ADAMTS10: variants seen among roughly 807,000 people sequenced by gnomAD.
ADAMTS10 encodes A disintegrin and metalloproteinase with thrombospondin motifs 10.
A neutral mutation model predicts 135.9 loss-of-function variants in ADAMTS10; 48 were observed. The observed-to-expected ratio is 0.35, with a 90% CI of 0.28 to 0.45. The LOEUF is 0.45. ADAMTS10 is among the 20% of genes least tolerant of loss of function. The probability of loss-of-function intolerance (pLI) is 1.00; values close to 1 mark genes in which losing one functional copy is unlikely to be tolerated. For missense variants in ADAMTS10, 1,131 were observed against 1,565.2 expected, an observed-to-expected ratio of 0.72 and a Z score of 4.68; for synonymous variants, 621 against 647.5, an observed-to-expected ratio of 0.96 and a Z score of 0.62.
At position 8,605,230 on chromosome 19, in the gene ADAMTS10, C is replaced by T. The variant is rs61750006; in HGVS notation, c.217G>A (p.Glu73Lys). 10,119 of 1,613,566 alleles carry T rather than the reference C, an allele frequency of 6.3e-3. 32 individuals are homozygous for T. The highest frequency in any genetic ancestry group is 7.9e-3 in the Non-Finnish European group (9,341 of 1,179,766). ...RQRRGTGATA[E>K]SRLFYKVASP... is the part of the protein sequence containing the mutation. The stretch of plus-strand genomic sequence containing the variant: ...GCCACTTTGTAGAAGAGGCGGGACT[C>T]GGCTGTGGCCCCCGTGCCGCGGCGC... Residue 73 changes from glutamate (E) to lysine (K), a missense_variant, in exon 4 of 26, where the codon GAG (glutamate) becomes AAG (lysine). Transcript: ENST00000597188. The surrounding 1 kb of genome is among the most constrained non-coding windows in gnomAD (Gnocchi z 7.7).
At chr19:8,591,696 T>G (rs1273042442) in intron 15 of ADAMTS10, 104 bp downstream of exon 15, 2 of 1,397,882 alleles carry the variant, frequency 1.4e-6, no homozygotes, top group African/African-American at 2.8e-5. Context: ...TGCCTTGGCC[T>G]CCCAAAGTGT....
In ADAMTS10 at chr19:8,605,089, G is replaced by T; in HGVS notation, c.358C>A (p.Pro120Thr). ...EGLAWQRAAR[P>T]HCLYAGHLQG... is the part of the protein sequence containing the mutation. ...AGGTGACCAGCGTAGAGGCAGTGGG[G>T]CCGGGCCGCCCTCTGCCAGGCCAGG... Residue 120 changes from proline (P) to threonine (T), a missense_variant, in exon 4 of 26, where the codon CCC (proline) becomes ACC (threonine). Physicochemically the swap from Pro to Thr is conservative, Grantham distance 38. Coordinates refer to ENST00000597188, the MANE Select transcript of ADAMTS10 (RefSeq NM_030957.4). This position sits in a 1 kb window ranked among gnomAD's most constrained non-coding sequence, Gnocchi z 7.7. The T allele has an allele frequency of 2.5e-6, 4 of 1,612,748 alleles. No homozygotes were observed. The highest frequency in any genetic ancestry group is 3.4e-6 in the Non-Finnish European group (4 of 1,179,660).
At position 8,586,401 on chromosome 19, in the gene ADAMTS10, G is replaced by T. The variant is rs782146436; in HGVS notation, c.2473C>A (p.Pro825Thr). ...GGCGCATAGTGCCAGGAGTAGGGGG[G>T]CAGCGAGTCACGGGCGATGGGGGCA... Reference protein sequence around the residue: ...FNAPIARDSLPPYSWHYAPWT... With the variant: ...FNAPIARDSLTPYSWHYAPWT... Residue 825 changes from proline (P) to threonine (T), a missense_variant, in exon 21 of 26, where the codon CCC becomes ACC. Transcript: ENST00000597188. The T allele has an allele frequency of 2.5e-6, 4 of 1,613,938 alleles. No homozygotes were observed. Among genetic ancestry groups the T allele is most frequent in the Non-Finnish European group, 1.7e-6 (2 of 1,180,000 alleles).
intron 25 of ADAMTS10, among the ~76,000 whole-genome samples, chr19:8,581,788 T>C (rs1185055013): frequency 2.0e-5 from 3 of 151,280 alleles, no homozygotes; most frequent in Non-Finnish European, 2.9e-5. Context: ...TGAGCCGCGA[T>C]TGCACCACTG....
intron 12 of ADAMTS10, among the ~76,000 whole-genome samples, chr19:8,594,806 A>G (rs1445147975): frequency 2.0e-5 from 3 of 152,238 alleles, no homozygotes; most frequent in African/African-American, 7.2e-5. Context: ...TACCTGGGTC[A>G]CAGCAGATGT....
Position 8,596,001 on chromosome 19 carries a change from C to A in ADAMTS10, c.1337+72G>T. ...GGGTCCCAGGGAGCATCCCTGATTTCTATCGTCTCCCGTGTACCCTGCCCC... is the reference window on the plus strand; with the variant it reads ...GGGTCCCAGGGAGCATCCCTGATTTATATCGTCTCCCGTGTACCCTGCCCC... On this transcript the variant is annotated intron_variant, in intron 11 of 25. Transcript: ENST00000597188. The surrounding 1 kb of genome is among the most constrained non-coding windows in gnomAD (Gnocchi z 7.2). 6.2e-7 allele frequency: 1 copy of A among 1,613,904 alleles called. No homozygotes were observed. The highest frequency in any genetic ancestry group is 1.7e-5 in the Admixed American group (1 of 60,026).
At chr19:8,581,121 T>G in intron 25 of ADAMTS10, 119 bp from the exon 26 acceptor site, 1 of 481,962 alleles carries the variant, frequency 2.1e-6, no homozygotes, top group East Asian at 3.8e-5. Flanking sequence ...TTCTTTCTTT[T>G]TAAATTTACT....
rs782788893 is a variant in ADAMTS10, at chr19:8,596,524, C to G, written c.1084+18G>C. 4.3e-6 allele frequency: 7 copies of G among 1,613,910 alleles called. No homozygotes were observed. In the African/African-American group the frequency reaches 5.3e-5, roughly 12 times the overall value. The stretch of plus-strand genomic sequence containing the variant: ...CCACTGCCTTCATAGGCGCCTGAAA[C>G]CTACGGGGCTCGGGTACCTAGTGTG... On this transcript the variant is annotated intron_variant, in intron 9 of 25. Transcript: ENST00000597188. The surrounding 1 kb of genome is among the most constrained non-coding windows in gnomAD (Gnocchi z 7.2).
rs545679370 is a variant in ADAMTS10 at position 8,596,381 on chromosome 19, G to A, written c.1116C>T (p.Arg372=). The A allele has an allele frequency of 1.1e-5, 18 of 1,613,002 alleles. No individual in the cohort carries two copies. The highest frequency in any genetic ancestry group is 5.0e-5 in the Admixed American group (3 of 59,880). Residue 372 remains arginine (R), a synonymous_variant, in exon 10 of 26, where the codon CGC becomes CGT. Transcript: ENST00000597188. This position sits in a 1 kb window ranked among gnomAD's most constrained non-coding sequence, Gnocchi z 7.2. Reference sequence around the variant, plus strand: ...CCTCATTGACGCTGCAGCTTCTCTCGCGCTCACACATTCCGCCCACCGGGG... The same window carrying A: ...CCTCATTGACGCTGCAGCTTCTCTCACGCTCACACATTCCGCCCACCGGGG... ...GLAPVGGMCE[R]ERSCSVNEDI... is the part of the protein sequence containing the mutation.
chr19:8,590,982 TC>T (rs1310951002), intron 15 of ADAMTS10, among the ~76,000 whole-genome samples: 1 of 151,996 alleles, frequency 6.6e-6, no homozygotes, highest in Non-Finnish European at 1.5e-5. Flanking sequence ...AAGACCTGGT[TC>T]CCCCCAGCTG....
At chr19:8,581,806 G>C (rs1555735918) in intron 25 of ADAMTS10, among the ~76,000 whole-genome samples, 3 of 151,014 alleles carry the variant, frequency 2.0e-5, no homozygotes, top group Non-Finnish European at 4.4e-5. Flanking sequence ...CTGTACTCCA[G>C]CCTGGGAGAC....
chr19:8,586,563 C>T lies in ADAMTS10; in HGVS notation c.2398G>A (p.Val800Ile), dbSNP rs782255435. The change falls in exon 20 of 26, where the codon GTC becomes ATC. Residue 800 changes from valine to isoleucine, a missense_variant. By Grantham distance (29) the Val-to-Ile change is conservative. Around this residue, in one of 3 missense-constraint regions of ADAMTS10, gnomAD observed 745 missense variants for 1,056.3 expected, o/e 0.71. Coordinates refer to ENST00000597188, the MANE Select transcript of ADAMTS10 (RefSeq NM_030957.4). ...GCCCCCAGTCTCCCTGTTACCATGACGATGAGAGATGCATTAATCGGTCCC... is the reference window on the plus strand; with the variant it reads ...GCCCCCAGTCTCCCTGTTACCATGATGATGAGAGATGCATTAATCGGTCCC... The part of the protein sequence containing the change: ...ALGPINASLI[V>I]MVLARTELPA... 8.7e-6 allele frequency: 14 copies of T among 1,613,590 alleles called. No individual in the cohort carries two copies. Among genetic ancestry groups the T allele is most frequent in the South Asian group, 5.5e-5 (5 of 91,084 alleles).
intron 19 of ADAMTS10, 30 bp from the exon 20 acceptor site, chr19:8,586,751 A>T: frequency 6.2e-7 from 1 of 1,614,032 alleles, no homozygotes; most frequent in South Asian, 1.1e-5. Context: ...TCAGAATTCT[A>T]GTCATGCTGA....
Position 8,601,002 on chromosome 19 carries a change from C to A in ADAMTS10, c.736G>T (p.Val246Leu). The change falls in exon 6 of 26, where the codon GTG becomes TTG. Residue 246 changes from valine to leucine, a missense_variant. Coordinates refer to ENST00000597188, the MANE Select transcript of ADAMTS10 (RefSeq NM_030957.4). This position sits in a 1 kb window ranked among gnomAD's most constrained non-coding sequence, Gnocchi z 4.6. ...TAGGCCACCATCATCTTGTCAGCCA[C>A]CACCAGGGTCTCCACGTAGCGCTCT... ...SRERYVETLV[V>L]ADKMMVAYHG... 6.2e-7 allele frequency: 1 copy of A among 1,614,214 alleles called. No homozygotes were observed. Among genetic ancestry groups the A allele is most frequent in the Non-Finnish European group, 8.5e-7 (1 of 1,180,050 alleles).
chr19:8,581,864 A>C (rs560131335), intron 25 of ADAMTS10, among the ~76,000 whole-genome samples: 297 of 147,146 alleles, frequency 2.0e-3, no homozygotes, highest in Admixed American at 5.4e-3. Flanking sequence ...AAAAAACAAA[A>C]AAAAAAAAAA....
At chr19:8,582,670 T>C (rs79983547) in intron 25 of ADAMTS10, 1 of 17,376 alleles carries the variant, frequency 5.8e-5, no homozygotes, top group Non-Finnish European at 8.8e-5. Flanking sequence ...ACAGATGGAT[T>C]TTTTTTTTTT....
chr19:8,588,298 C>T (rs2146049905), intron 18 of ADAMTS10, among the ~76,000 whole-genome samples: 1 of 151,810 alleles, frequency 6.6e-6, no homozygotes. Context: ...GTTGCCCAGG[C>T]TGGTCTCAAA....
chr19:8,603,346 C>T (rs1036850828), intron 5 of ADAMTS10, among the ~76,000 whole-genome samples: 3 of 152,182 alleles, frequency 2.0e-5, no homozygotes, highest in Admixed American at 6.5e-5. Flanking sequence ...GTGATCTCTG[C>T]TCACTGCAAC....
In ADAMTS10 at chr19:8,596,467, G is replaced by GGCCCCATCCACCTGCCAGGTCTC. The variant is rs1348496418; in HGVS notation, c.1084+52_1085-56dup. On this transcript the variant is annotated intron_variant, in intron 9 of 25. Transcript: ENST00000597188. The surrounding 1 kb of genome is among the most constrained non-coding windows in gnomAD (Gnocchi z 7.2). ...TGGGAGGCTCAGGACGGTGCTGGCT[G>GGCCCCATCCACCTGCCAGGTCTC]GCCCCATCCACCTGCCAGGTCTCAC... 6.2e-7 allele frequency: 1 copy of GGCCCCATCCACCTGCCAGGTCTC among 1,611,644 alleles called. No homozygotes were observed. The highest frequency in any genetic ancestry group is 8.5e-7 in the Non-Finnish European group (1 of 1,178,804).
Sources: allele counts gnomAD v4.1 joint callset (sites outside exome capture counted in the v4.1 genomes callset), GRCh38; gene constraint gnomAD v4.1.1; regional missense constraint gnomAD v4.1.1; non-coding constraint Gnocchi (gnomAD v3.1); transcripts MANE v1.5; gene names NCBI Gene and HGNC (gene_info 2026-07-23, HGNC 2026-07-21).